LRATD1: variants seen among roughly 807,000 people sequenced by gnomAD.
LRATD1 encodes protein LRATD1.
A neutral mutation model predicts 21.3 loss-of-function variants in LRATD1; 8 were observed. That is an observed-to-expected ratio of 0.38 (90% CI 0.22 to 0.68). The LOEUF (loss-of-function observed/expected upper bound fraction) is 0.68, where lower values mean the gene tolerates loss of function less well. Ranked by LOEUF, LRATD1 falls within the 30% of genes least tolerant of loss-of-function variation. The pLI is 0.54. For synonymous variants in LRATD1, 210 were observed against 186.2 expected, an observed-to-expected ratio of 1.13 and a Z score of -1.04; for missense variants, 380 against 404.0, an observed-to-expected ratio of 0.94 and a Z score of 0.51.
chr2:14,634,434 A>G lies in LRATD1; in HGVS notation c.455A>G (p.Gln152Arg). Reference sequence around the variant, plus strand: ...TGGGCCGTCTACGTGGGCGGCGGGCAGATCATCCACCTGCACCAAGGCGAG... The same window carrying G: ...TGGGCCGTCTACGTGGGCGGCGGGCGGATCATCCACCTGCACCAAGGCGAG... ...PHWAVYVGGG[Q>R]IIHLHQGEIR... is the part of the protein sequence containing the mutation. The change falls in exon 2 of 2, where the codon CAG becomes CGG. Residue 152 changes from glutamine to arginine, a missense_variant. By Grantham distance (43) the Gln-to-Arg change is conservative (BLOSUM62 1). Coordinates refer to ENST00000295092, the MANE Select transcript of LRATD1 (RefSeq NM_145175.4). 6.6e-7 allele frequency: 1 copy of G among 1,525,592 alleles called. No individual in the cohort carries two copies. Among genetic ancestry groups the G allele is most frequent in the South Asian group, 1.3e-5 (1 of 76,724 alleles). The allele number at this position is 1,525,592 out of a possible 1,614,324, so 94.5% of individuals were successfully genotyped here.
intron 2 of LRATD1, among the ~76,000 whole-genome samples, chr2:14,645,370 T>C (rs1181319699): frequency 6.6e-6 from 1 of 152,214 alleles, no homozygotes; most frequent in East Asian, 1.9e-4. Flanking sequence ...TATATAACCA[T>C]CAGCTTCTGG....
chr2:14,634,562 AAC>A lies in LRATD1; in HGVS notation c.584_585del (p.Asn195SerfsTer101). On this transcript the variant is annotated frameshift_variant, in exon 2 of 2. Coordinates refer to ENST00000295092, the MANE Select transcript of LRATD1 (RefSeq NM_145175.4). LOFTEE classifies it high-confidence loss of function. ...GCTGGTGGCCGAGCTGGTGGTGCAG[AAC>A]GCCTGCGGCCACCTGGGCCTCAAGA... ...RPLVAELVVQ[N>X]ACGHLGLKSE... The A allele has an allele frequency of 6.7e-7, 1 of 1,494,458 alleles. No homozygotes were observed. The highest frequency in any genetic ancestry group is 8.9e-7 in the Non-Finnish European group (1 of 1,121,130). The allele number at this position is 1,494,458 out of a possible 1,614,324, so 92.6% of individuals were successfully genotyped here. A position where few individuals can be genotyped will look rare whatever the true frequency, so the allele number is the denominator to read the frequency against.
At chr2:14,646,904 C>T (rs933770810) in intron 4 of LRATD1, among the ~76,000 whole-genome samples, 1 of 152,162 alleles carries the variant, frequency 6.6e-6, no homozygotes, top group Non-Finnish European at 1.5e-5. Context: ...CCTCATGAAC[C>T]ATGAACTCAC....
chr2:14,640,828 C>T (rs1398737469), downstream of LRATD1, among the ~76,000 whole-genome samples: 1 of 152,116 alleles, frequency 6.6e-6, no homozygotes, highest in African/African-American at 2.4e-5. Context: ...CAACAGCACA[C>T]GCACTTTATT....
rs570921310 is a variant in LRATD1, at chr2:14,635,680, C to T, written c.*822C>T. Reference sequence around the variant, plus strand: ...CCGGCCCCGCCCCCGACAAGGAGCTCGCTCGTTCACCTGGTGTCTGGGAAC... The same window carrying T: ...CCGGCCCCGCCCCCGACAAGGAGCTTGCTCGTTCACCTGGTGTCTGGGAAC... On this transcript the variant is annotated 3_prime_UTR_variant, in exon 2 of 2. Transcript: ENST00000295092. The T allele has an allele frequency of 2.8e-5, 13 of 461,700 alleles. No homozygotes were observed. The highest frequency in any genetic ancestry group is 1.8e-4 in the African/African-American group (9 of 50,026). 28.6% of individuals were successfully genotyped at this position (461,700 alleles called of 1,614,324 possible). A position where few individuals can be genotyped will look rare whatever the true frequency, so the allele number is the denominator to read the frequency against.
rs953999461 is a variant in LRATD1, at chr2:14,637,872, T to C, written c.*3014T>C. The C allele has an allele frequency of 1.2e-5, 2 of 167,048 alleles. No individual in the cohort carries two copies. Among genetic ancestry groups the C allele is most frequent in the African/African-American group, 4.8e-5 (2 of 41,440 alleles). 10.3% of individuals were successfully genotyped at this position (167,048 alleles called of 1,614,324 possible). ...CAATTACCTGAAAAGTTTCCTAACA[T>C]TTTAATAATGTTAGGGATTTCGTTT... On this transcript the variant is annotated 3_prime_UTR_variant, in exon 2 of 2. Coordinates refer to ENST00000295092, the MANE Select transcript of LRATD1 (RefSeq NM_145175.4).
In LRATD1 at chr2:14,635,001, G is replaced by A; in HGVS notation, c.*143G>A. 1.7e-6 allele frequency: 2 copies of A among 1,149,204 alleles called. No individual in the cohort carries two copies. Among genetic ancestry groups the A allele is most frequent in the Non-Finnish European group, 2.5e-6 (2 of 798,874 alleles). The allele number at this position is 1,149,204 out of a possible 1,614,324, so 71.2% of individuals were successfully genotyped here. On this transcript the variant is annotated 3_prime_UTR_variant, in exon 2 of 2. Transcript: ENST00000295092. ...GCCGCCGGTGGCCCGGGCCCGGGCT[G>A]CACCCCCGCATCCCCAAGCCAGCGG...
downstream of LRATD1, among the ~76,000 whole-genome samples, chr2:14,641,743 CGTA>C (rs1671808548): frequency 6.6e-6 from 1 of 152,186 alleles, no homozygotes; most frequent in Admixed American, 6.5e-5. Flanking sequence ...TTGTAGAACA[CGTA>C]GTTTTCATTC....
chr2:14,647,861 A>C (rs1355717847), intron 4 of LRATD1, among the ~76,000 whole-genome samples: 1 of 152,098 alleles, frequency 6.6e-6, no homozygotes, highest in Admixed American at 6.6e-5. Context: ...TTATTCAATG[A>C]CTGCATCTAA....
chr2:14,641,832 A>G (rs1671809174), downstream of LRATD1: 1 of 152,134 alleles, frequency 6.6e-6, no homozygotes, highest in Non-Finnish European at 1.5e-5. Flanking sequence ...ACTCTTATTC[A>G]TCTATGCTTT....
intron 2 of LRATD1, among the ~76,000 whole-genome samples, chr2:14,645,652 G>C (rs1671880459): frequency 6.6e-6 from 1 of 152,126 alleles, no homozygotes; most frequent in Admixed American, 6.6e-5. Flanking sequence ...CTATCCATCA[G>C]GGTAATTTTA....
downstream of LRATD1, among the ~76,000 whole-genome samples, chr2:14,643,354 C>G (rs181309401): frequency 6.6e-6 from 1 of 152,172 alleles, no homozygotes; most frequent in African/African-American, 2.4e-5. Context: ...TTCCTTACAG[C>G]CTTTAAGGAC....
Position 14,634,114 on chromosome 2 carries a change from C to A in LRATD1, c.135C>A (p.Asp45Glu). 6.2e-7 allele frequency: 1 copy of A among 1,614,160 alleles called. No homozygotes were observed. Among genetic ancestry groups the A allele is most frequent in the East Asian group, 2.2e-5 (1 of 44,862 alleles). Residue 45 changes from aspartate to glutamate, a missense_variant, in exon 2 of 2, where the codon GAC (aspartate) becomes GAA (glutamate). Physicochemically the swap from Asp to Glu is conservative, Grantham distance 45. Transcript: ENST00000295092. ...TCTCGGATGATGAGGAAGACCTGGA[C>A]GAACGCGGGCAGCCCGACAAGTTTG... is the stretch of plus-strand genomic sequence containing the variant. ...YFFSDDEEDLDERGQPDKFGV... is the reference protein window; with the variant it reads ...YFFSDDEEDLEERGQPDKFGV...
intron 4 of LRATD1, among the ~76,000 whole-genome samples, chr2:14,648,540 T>A (rs1462430835): frequency 6.6e-6 from 1 of 152,212 alleles, no homozygotes; most frequent in African/African-American, 2.4e-5. Flanking sequence ...AGAAGACAAC[T>A]GGATTCTTAT....
exon 5 of LRATD1, chr2:14,649,392 G>T: frequency 4.4e-6 from 2 of 456,182 alleles, no homozygotes; most frequent in South Asian, 3.1e-5. Flanking sequence ...ATTGCAACTG[G>T]ACCCCCTCGA....
At position 14,638,751 on chromosome 2, in the gene LRATD1, T is replaced by C. The variant is rs1431629949; in HGVS notation, c.*3893T>C. On this transcript the variant is annotated 3_prime_UTR_variant, in exon 2 of 2. Transcript: ENST00000295092. The stretch of plus-strand genomic sequence containing the variant: ...TTTTCTTTTATTTATAGGCATATCT[T>C]TAAAGCTTTCTTCTCTTTTTTGAAC... The C allele has an allele frequency of 1.2e-5, 2 of 167,052 alleles. No homozygotes were observed. The highest frequency in any genetic ancestry group is 2.9e-5 in the Non-Finnish European group (2 of 68,090). 10.3% of individuals were successfully genotyped at this position (167,052 alleles called of 1,614,324 possible).
At chr2:14,651,774 T>C (rs901796275), downstream of LRATD1, among the ~76,000 whole-genome samples, 1 of 151,998 alleles carries the variant, frequency 6.6e-6, no homozygotes, top group Non-Finnish European at 1.5e-5. Context: ...TAATAATGTA[T>C]TTTATATTTT....
rs879025258 is a variant in LRATD1, at chr2:14,638,213, CA to C, written c.*3376del. On this transcript the variant is annotated 3_prime_UTR_variant, in exon 2 of 2. Coordinates refer to ENST00000295092, the MANE Select transcript of LRATD1 (RefSeq NM_145175.4). ...ATGCTGTTATTCTCAAAGTACATTC[CA>C]AAAAAAAAAAAAAAAAAAAACTATA... is the stretch of plus-strand genomic sequence containing the variant. 20,596 of 84,736 alleles carry C rather than the reference CA, an allele frequency of 0.24. 752 individuals are homozygous for C. Among genetic ancestry groups the C allele is most frequent in the South Asian group, 0.33 (798 of 2,422 alleles). The allele number at this position is 84,736 out of a possible 1,614,324, so 5.2% of individuals were successfully genotyped here. A position where few individuals can be genotyped will look rare whatever the true frequency, so the allele number is the denominator to read the frequency against.
At position 14,647,538 on chromosome 2, in the gene LRATD1, A is replaced by G. The variant is rs116104779; in HGVS notation, n.436+1073A>G. 5.3e-3 allele frequency among the ~76,000 whole-genome samples: 806 copies of G among 152,232 alleles called. 8 individuals are homozygous for G. Among genetic ancestry groups the G allele is most frequent in the African/African-American group, 0.019 (778 of 41,552 alleles). On this transcript the variant is annotated intron_variant and non_coding_transcript_variant, in intron 4 of 5. Coordinates refer to the LRATD1 transcript ENST00000464947. ...AAATCCTAACCCCCAAAGTGATGATATTAGGAGATGGGGCCCTTGGGAGGT... is the reference window on the plus strand; with the variant it reads ...AAATCCTAACCCCCAAAGTGATGATGTTAGGAGATGGGGCCCTTGGGAGGT...
Sources: gnomAD v4.1 joint callset for allele counts (sites outside exome capture counted in the v4.1 genomes callset) on GRCh38, gnomAD v4.1.1 for gene constraint, MANE v1.5 for transcripts, NCBI Gene and HGNC (gene_info 2026-07-23, HGNC 2026-07-21) for gene names.